PBX3: variants seen among roughly 807,000 people sequenced by gnomAD.
PBX3 encodes PBX homeobox 3.
In PBX3, 14 loss-of-function variants were observed where a neutral mutation model predicts 48.5. That is an observed-to-expected ratio of 0.29 (90% CI 0.19 to 0.45). The LOEUF (loss-of-function observed/expected upper bound fraction) is 0.45, where lower values mean the gene tolerates loss of function less well. Ranked by LOEUF, PBX3 falls within the 20% of genes least tolerant of loss-of-function variation. The probability of loss-of-function intolerance (pLI) is 1.00; values close to 1 mark genes in which losing one functional copy is unlikely to be tolerated. For missense variants in PBX3, 386 were observed against 546.7 expected, an observed-to-expected ratio of 0.71 and a Z score of 2.93; for synonymous variants, 210 against 200.3, an observed-to-expected ratio of 1.05 and a Z score of -0.41.
chr9:125,761,213 C>CTT (rs879668457), intron 2 of PBX3, among the ~76,000 whole-genome samples: 1 of 143,686 alleles, frequency 7.0e-6, no homozygotes, highest in African/African-American at 2.5e-5. Flanking sequence ...TTTCTTTTTT[C>CTT]TTTTTTTTTT....
intron 2 of PBX3, among the ~76,000 whole-genome samples, chr9:125,913,132 T>C (rs750927806): frequency 1.3e-5 from 2 of 152,118 alleles, no homozygotes; most frequent in Non-Finnish European, 2.9e-5. Context: ...AAAATTCCTT[T>C]ATTATTGATA....
In PBX3 at chr9:125,802,448, G is replaced by A. The variant is rs192609207; in HGVS notation, c.274+53825G>A. Reference sequence around the variant, plus strand: ...AGTAGCATGGTCATGGCTCACTGCAGCCTCCACCTCCCCAGGCTCAGGTAA... The same window carrying A: ...AGTAGCATGGTCATGGCTCACTGCAACCTCCACCTCCCCAGGCTCAGGTAA... On this transcript the variant is annotated intron_variant, in intron 2 of 8. Transcript: ENST00000373489. 3.6e-5 allele frequency among the ~76,000 whole-genome samples: 5 copies of A among 140,724 alleles called. No individual in the cohort carries two copies. The East Asian group carries it at 8.5e-4, about 24-fold the overall frequency. 92.3% of individuals were successfully genotyped at this position (140,724 alleles called of 152,430 possible).
At chr9:125,886,733 G>C (rs558545646) in intron 2 of PBX3, among the ~76,000 whole-genome samples, 2 of 152,212 alleles carry the variant, frequency 1.3e-5, no homozygotes, top group East Asian at 3.9e-4. Context: ...AATTAAGACA[G>C]ATAACCTTTA....
chr9:125,900,655 G>A (rs1840923449), intron 2 of PBX3, among the ~76,000 whole-genome samples: 1 of 151,668 alleles, frequency 6.6e-6, no homozygotes, highest in South Asian at 2.1e-4. Flanking sequence ...AAGAGATGTA[G>A]CGAAAGCAAA....
intron 2 of PBX3, among the ~76,000 whole-genome samples, chr9:125,868,136 A>C (rs1012636794): frequency 1.3e-5 from 2 of 151,408 alleles, no homozygotes; most frequent in African/African-American, 4.9e-5. Context: ...CGGCCTTCCA[A>C]AGTGCTGGGA....
chr9:125,871,973 A>G (rs1840135839), intron 2 of PBX3, among the ~76,000 whole-genome samples: 1 of 152,212 alleles, frequency 6.6e-6, no homozygotes, highest in South Asian at 2.1e-4. Context: ...GTAAAAATGC[A>G]TCTTTCTGTG....
Position 125,963,006 on chromosome 9 carries a change from T to A in PBX3, c.1123-6T>A. 1 of 1,580,780 alleles carries A rather than the reference T, an allele frequency of 6.3e-7. No individual in the cohort carries two copies. ...GATGATGAATTTTGTTTTGTCTCAC[T>A]TCTAGGTGGATACCCTCCGTCATGT... On this transcript the variant is annotated splice_polypyrimidine_tract_variant and splice_region_variant and intron_variant, in intron 7 of 8. Transcript: ENST00000373489.
chr9:125,874,981 T>C (rs1444721572), intron 2 of PBX3, among the ~76,000 whole-genome samples: 1 of 152,172 alleles, frequency 6.6e-6, no homozygotes, highest in Admixed American at 6.5e-5. Flanking sequence ...TGTTTTACTT[T>C]CATTCAGTTG....
At chr9:125,916,958 CAT>C (rs1841347791) in intron 3 of PBX3, among the ~76,000 whole-genome samples, 1 of 152,092 alleles carries the variant, frequency 6.6e-6, no homozygotes, top group Non-Finnish European at 1.5e-5. Context: ...ATGGTAATTT[CAT>C]AGAGTTCAAC....
intron 2 of PBX3, among the ~76,000 whole-genome samples, chr9:125,910,433 G>T (rs529905036): frequency 2.4e-4 from 37 of 152,136 alleles, no homozygotes; most frequent in African/African-American, 8.4e-4. Flanking sequence ...TGATTATTCG[G>T]TTTGAATGAA....
chr9:125,797,563 G>A (rs1188621498), intron 2 of PBX3: 1 of 152,068 alleles, frequency 6.6e-6, no homozygotes, highest in African/African-American at 2.4e-5. Context: ...TATTGTGTGT[G>A]TTTAAGGTAT....
intron 2 of PBX3, among the ~76,000 whole-genome samples, chr9:125,765,593 TCTTTA>T (rs1836782259): frequency 6.6e-6 from 1 of 152,226 alleles, no homozygotes; most frequent in Non-Finnish European, 1.5e-5. Flanking sequence ...TTTTTTTTCT[TCTTTA>T]CTTAAAAATA....
intron 2 of PBX3, among the ~76,000 whole-genome samples, chr9:125,788,843 C>T (rs886922789): frequency 6.6e-6 from 1 of 151,890 alleles, no homozygotes; most frequent in Admixed American, 6.6e-5. Context: ...CCACTGCACC[C>T]CAGCCTGGGC....
At chr9:125,750,792 T>C (rs562982521) in intron 2 of PBX3, among the ~76,000 whole-genome samples, 1 of 152,322 alleles carries the variant, frequency 6.6e-6, no homozygotes, top group East Asian at 1.9e-4. Flanking sequence ...CCTGCTAGCC[T>C]CTCTAAGCTC....
intron 2 of PBX3, among the ~76,000 whole-genome samples, chr9:125,772,974 A>T (rs1192827759): frequency 6.6e-6 from 1 of 152,192 alleles, no homozygotes; most frequent in Non-Finnish European, 1.5e-5. Flanking sequence ...TACAAGCTGG[A>T]CCATTAAGTA....
At chr9:125,867,817 T>TAC (rs1270531745) in intron 2 of PBX3, among the ~76,000 whole-genome samples, 2 of 151,650 alleles carry the variant, frequency 1.3e-5, no homozygotes, top group South Asian at 2.1e-4. Context: ...CATATATATA[T>TAC]ACACATACAT....
chr9:125,823,459 A>G lies in PBX3; in HGVS notation c.274+74836A>G, dbSNP rs568593166. ...TTCATCTTAATGCTGATTTCAAGAT[A>G]CAAAGATAGTTTTTAAAAGACTGAA... On this transcript the variant is annotated intron_variant, in intron 2 of 8. Transcript: ENST00000373489. 5.9e-5 allele frequency among the ~76,000 whole-genome samples: 9 copies of G among 152,348 alleles called. No individual in the cohort carries two copies. In the East Asian group the frequency reaches 9.6e-4, roughly 16 times the overall value.
chr9:125,800,038 A>C, intron 2 of PBX3, among the ~76,000 whole-genome samples: 1 of 152,354 alleles, frequency 6.6e-6, no homozygotes, highest in East Asian at 1.9e-4. Context: ...GACAGTAATA[A>C]TAATTGTAGT....
At position 125,753,734 on chromosome 9, in the gene PBX3, T is replaced by G. The variant is rs191776588; in HGVS notation, c.274+5111T>G. 8.5e-3 allele frequency among the ~76,000 whole-genome samples: 1,291 copies of G among 152,166 alleles called. 17 individuals carry two copies. Among genetic ancestry groups the G allele is most frequent in the African/African-American group, 0.029 (1,224 of 41,544 alleles). On this transcript the variant is annotated intron_variant, in intron 2 of 8. Transcript: ENST00000373489. ...TAATTTTATTCTGAATTAGAAGTCT[T>G]TTAATACACTAGCAAAGGAGGCCCC...
Sources: gnomAD v4.1 joint callset for allele counts (sites outside exome capture counted in the v4.1 genomes callset) on GRCh38, gnomAD v4.1.1 for gene constraint, MANE v1.5 for transcripts, NCBI Gene and HGNC (gene_info 2026-07-23, HGNC 2026-07-21) for gene names.